The following SMIM30 variants were observed in gnomAD, a reference collection of about 807,000 sequenced individuals.
The protein encoded by SMIM30 is long intergenic non-protein coding RNA 998.
For synonymous variants in SMIM30, 19 were observed against 11.5 expected, an observed-to-expected ratio of 1.65 and a Z score of -1.31; for missense variants, 43 against 27.6, an observed-to-expected ratio of 1.56 and a Z score of -1.25.
rs1023285489 is a variant in SMIM30, at chr7:113,116,837, A to G, written c.*562T>C. On this transcript the variant is annotated 3_prime_UTR_variant, in exon 3 of 3. Transcript: ENST00000397764. ...ATCTCTTTTCCATGTCAATGTCTAT[A>G]GTTTTTTTTTAACATTAAATTTTTT... 14 of 135,094 alleles carry G rather than the reference A, an allele frequency of 1.0e-4. No individual in the cohort carries two copies. Among genetic ancestry groups the G allele is most frequent in the African/African-American group, 4.7e-4 (14 of 29,786 alleles). 8.4% of individuals were successfully genotyped at this position (135,094 alleles called of 1,614,324 possible). A position where few individuals can be genotyped will look rare whatever the true frequency, so the allele number is the denominator to read the frequency against.
Position 113,117,041 on chromosome 7 carries a change from C to T in SMIM30, c.*358G>A, listed in dbSNP as rs1794691556. 1 of 226,750 alleles carries T rather than the reference C, an allele frequency of 4.4e-6. No homozygotes were observed. The highest frequency in any genetic ancestry group is 9.0e-6 in the Non-Finnish European group (1 of 111,662). 14.0% of individuals were successfully genotyped at this position (226,750 alleles called of 1,614,324 possible). ...ACGATTCAGGAGGCAGTGATTATAA[C>T]CGAACAGTGGTGATTTCCTAAGATT... is the stretch of plus-strand genomic sequence containing the variant. On this transcript the variant is annotated 3_prime_UTR_variant, in exon 3 of 3. Coordinates refer to ENST00000397764, the MANE Select transcript of SMIM30 (RefSeq NM_001352688.2).
Position 113,117,384 on chromosome 7 carries a change from G to T in SMIM30, c.*15C>A, listed in dbSNP as rs1320046601. ...GGTTTTCAGGGTGAGGTTTGACTCAGTAGGCCTTTCAAAGTCACATCTGTC... is the reference window on the plus strand; with the variant it reads ...GGTTTTCAGGGTGAGGTTTGACTCATTAGGCCTTTCAAAGTCACATCTGTC... On this transcript the variant is annotated 3_prime_UTR_variant, in exon 3 of 3. Transcript: ENST00000397764. The T allele has an allele frequency of 7.1e-6, 5 of 702,714 alleles. No individual in the cohort carries two copies. The African/African-American group carries it at 8.7e-5, about 12-fold the overall frequency. 43.5% of individuals were successfully genotyped at this position (702,714 alleles called of 1,614,324 possible).
At position 113,117,260 on chromosome 7, in the gene SMIM30, C is replaced by T. The variant is rs920135853; in HGVS notation, c.*139G>A. The T allele has an allele frequency of 4.2e-5, 25 of 590,918 alleles. No homozygotes were observed. The highest frequency in any genetic ancestry group is 7.3e-5 in the Non-Finnish European group (24 of 330,430). The allele number at this position is 590,918 out of a possible 1,614,324, so 36.6% of individuals were successfully genotyped here. Reference sequence around the variant, plus strand: ...TCAATTTATAAATGTATGTTTGTTGCCATTTCATGGAAACAATGAAAAATG... The same window carrying T: ...TCAATTTATAAATGTATGTTTGTTGTCATTTCATGGAAACAATGAAAAATG... On this transcript the variant is annotated 3_prime_UTR_variant, in exon 3 of 3. Coordinates refer to ENST00000397764, the MANE Select transcript of SMIM30 (RefSeq NM_001352688.2).
In SMIM30 at chr7:113,118,519, G is replaced by A. The variant is rs908398339; in HGVS notation, c.-124+9C>T. ...CTAAGTATCCTTTGGAGACGAGTTC[G>A]TACATTACCTTCTAGGAAGCAGCCA... is the stretch of plus-strand genomic sequence containing the variant. On this transcript the variant is annotated intron_variant, in intron 1 of 2. Coordinates refer to ENST00000397764, the MANE Select transcript of SMIM30 (RefSeq NM_001352688.2). 1 of 455,912 alleles carries A rather than the reference G, an allele frequency of 2.2e-6. No individual in the cohort carries two copies. Among genetic ancestry groups the A allele is most frequent in the Non-Finnish European group, 4.4e-6 (1 of 226,894 alleles). 28.2% of individuals were successfully genotyped at this position (455,912 alleles called of 1,614,324 possible). A position where few individuals can be genotyped will look rare whatever the true frequency, so the allele number is the denominator to read the frequency against.
chr7:113,118,038 G>C (rs1794715536), intron 2 of SMIM30, 30 bp downstream of exon 2: 1 of 446,226 alleles, frequency 2.2e-6, no homozygotes, highest in African/African-American at 2.0e-5. Context: ...ATATAACTCT[G>C]CGAAGTTGTG....
In SMIM30 at chr7:113,117,571, G is replaced by C. The variant is rs1413426625; in HGVS notation, c.8C>G (p.Ser3Ter). The C allele has an allele frequency of 1.4e-6, 1 of 702,866 alleles. No homozygotes were observed. Among genetic ancestry groups the C allele is most frequent in the Non-Finnish European group, 2.6e-6 (1 of 384,984 alleles). The allele number at this position is 702,866 out of a possible 1,614,324, so 43.5% of individuals were successfully genotyped here. ...GACTAAGGACAACTGTGTTGAAACT[G>C]AGGTCATGATGTTGGAATCTTGAGG... MT[S>*]VSTQLSLVLM... is the part of the protein sequence containing the mutation. The change falls in exon 3 of 3, where the codon TCA becomes TGA. Residue 3 changes from serine to a stop codon, truncating the protein, a stop_gained. Coordinates refer to ENST00000397764, the MANE Select transcript of SMIM30 (RefSeq NM_001352688.2). LOFTEE classifies it high-confidence loss of function.
rs1794703982 is a variant in SMIM30 at position 113,117,584 on chromosome 7, T to C, written c.-6A>G. On this transcript the variant is annotated 5_prime_UTR_variant, in exon 3 of 3. Transcript: ENST00000397764. ...TGTGTTGAAACTGAGGTCATGATGT[T>C]GGAATCTTGAGGGCTGAAGGTTCCT... is the stretch of plus-strand genomic sequence containing the variant. The C allele has an allele frequency of 2.8e-6, 2 of 702,854 alleles. No individual in the cohort carries two copies. The highest frequency in any genetic ancestry group is 2.7e-5 in the East Asian group (1 of 37,294). 43.5% of individuals were successfully genotyped at this position (702,854 alleles called of 1,614,324 possible). A position where few individuals can be genotyped will look rare whatever the true frequency, so the allele number is the denominator to read the frequency against.
chr7:113,118,530 T>G lies in SMIM30; in HGVS notation c.-126A>C. The stretch of plus-strand genomic sequence containing the variant: ...TTGGAGACGAGTTCGTACATTACCT[T>G]CTAGGAAGCAGCCATTACAGGAATG... On this transcript the variant is annotated splice_region_variant and 5_prime_UTR_variant, in exon 1 of 3. Coordinates refer to ENST00000397764, the MANE Select transcript of SMIM30 (RefSeq NM_001352688.2). 2.2e-6 allele frequency: 1 copy of G among 455,844 alleles called. No individual in the cohort carries two copies. The highest frequency in any genetic ancestry group is 1.5e-5 in the South Asian group (1 of 64,554). 28.2% of individuals were successfully genotyped at this position (455,844 alleles called of 1,614,324 possible).
Position 113,117,221 on chromosome 7 carries a change from A to G in SMIM30, c.*178T>C. ...TTTCTGTGCATTATTTGTTGTAAAG[A>G]AAACATTTTTTTTTCAATTTATAAA... On this transcript the variant is annotated 3_prime_UTR_variant, in exon 3 of 3. Transcript: ENST00000397764. The G allele has an allele frequency of 1.7e-6, 1 of 571,974 alleles. No homozygotes were observed. 35.4% of individuals were successfully genotyped at this position (571,974 alleles called of 1,614,324 possible). A position where few individuals can be genotyped will look rare whatever the true frequency, so the allele number is the denominator to read the frequency against.
chr7:113,118,370 G>A (rs1248177401), intron 1 of SMIM30, 158 bp downstream of exon 1: 1 of 453,362 alleles, frequency 2.2e-6, no homozygotes, highest in East Asian at 7.0e-5. Flanking sequence ...ACAAGAAAAG[G>A]TAAAAAGAAA....
chr7:113,117,919 G>A (rs1794712998), intron 2 of SMIM30, 149 bp downstream of exon 2: 3 of 361,950 alleles, frequency 8.3e-6, no homozygotes, highest in East Asian at 1.3e-4. Context: ...AAAAAAGCAC[G>A]AGCCACTAAC....
intron 1 of SMIM30, 28 bp from the exon 2 acceptor site, chr7:113,118,189 G>C: frequency 2.4e-6 from 1 of 424,486 alleles, no homozygotes; most frequent in Non-Finnish European, 4.6e-6. Context: ...GGTGGGGAGG[G>C]GGCGGAGAGA....
chr7:113,117,606 T>C lies in SMIM30; in HGVS notation c.-28A>G. 2.8e-6 allele frequency: 2 copies of C among 702,238 alleles called. No individual in the cohort carries two copies. Among genetic ancestry groups the C allele is most frequent in the Middle Eastern group, 2.3e-4 (1 of 4,388 alleles). 43.5% of individuals were successfully genotyped at this position (702,238 alleles called of 1,614,324 possible). A position where few individuals can be genotyped will look rare whatever the true frequency, so the allele number is the denominator to read the frequency against. On this transcript the variant is annotated splice_region_variant and 5_prime_UTR_variant, in exon 3 of 3. Transcript: ENST00000397764. Reference sequence around the variant, plus strand: ...TGTTGGAATCTTGAGGGCTGAAGGTTCCTAGAAATTAAACATGGAAACAAA... The same window carrying C: ...TGTTGGAATCTTGAGGGCTGAAGGTCCCTAGAAATTAAACATGGAAACAAA...
Sources: gnomAD v4.1 joint callset for allele counts on GRCh38, gnomAD v4.1.1 for gene constraint, MANE v1.5 for transcripts, NCBI Gene and HGNC (gene_info 2026-07-23, HGNC 2026-07-21) for gene names.